The following PPARGC1A variants were observed in gnomAD, a reference collection of about 807,000 sequenced individuals.
PPARGC1A encodes the protein peroxisome proliferator-activated receptor gamma coactivator 1-alpha.
In PPARGC1A, 25 loss-of-function variants were observed where a neutral mutation model predicts 88.7. That is an observed-to-expected ratio of 0.28 (90% CI 0.21 to 0.39). The LOEUF is 0.39. PPARGC1A is among the 10% of genes least tolerant of loss of function. The probability of loss-of-function intolerance (pLI) is 1.00; values close to 1 mark genes in which losing one functional copy is unlikely to be tolerated. For missense variants in PPARGC1A, 880 were observed against 968.7 expected (o/e 0.91, Z 1.22); for synonymous variants, 363 against 355.6 (o/e 1.02, Z -0.24).
the PPARGC1A span, among the ~76,000 whole-genome samples, chr4:23,994,752 G>A: frequency 0.17 from 26,438 of 152,078 alleles, 2,794 homozygotes; most frequent in Admixed American, 0.31. Context: ...GGCAAGGGAG[G>A]AAATTGGTCA....
At chr4:24,239,149 T>C in the PPARGC1A span, among the ~76,000 whole-genome samples, 2 of 152,134 alleles carry the variant, frequency 1.3e-5, no homozygotes, top group African/African-American at 4.8e-5. Flanking sequence ...TTCAACTTAG[T>C]CTAATTTTTT....
At chr4:23,936,203 C>G in the PPARGC1A span, among the ~76,000 whole-genome samples, 1 of 152,170 alleles carries the variant, frequency 6.6e-6, no homozygotes, top group Non-Finnish European at 1.5e-5. Context: ...CTACTATGTA[C>G]TATTCTAAGT....
chr4:24,400,144 C>T, the PPARGC1A span, among the ~76,000 whole-genome samples: 1 of 152,138 alleles, frequency 6.6e-6, no homozygotes, highest in Non-Finnish European at 1.5e-5. Context: ...AGCTGAAATA[C>T]ACTTGTGATG....
the PPARGC1A span, among the ~76,000 whole-genome samples, chr4:23,955,146 C>T: frequency 2.0e-5 from 3 of 151,958 alleles, no homozygotes; most frequent in African/African-American, 7.2e-5. Flanking sequence ...TATTAAATAC[C>T]AACATGGTTA....
At chr4:24,257,459 A>T in the PPARGC1A span, among the ~76,000 whole-genome samples, 1 of 152,184 alleles carries the variant, frequency 6.6e-6, no homozygotes, top group Non-Finnish European at 1.5e-5. Context: ...GGTAGCACAA[A>T]CTATTCCAGG....
At chr4:23,931,000 G>A in the PPARGC1A span, among the ~76,000 whole-genome samples, 1 of 152,234 alleles carries the variant, frequency 6.6e-6, no homozygotes. Flanking sequence ...ATGCCGCCGC[G>A]TGGAGTGTCC....
chr4:24,306,116 G>T, the PPARGC1A span, among the ~76,000 whole-genome samples: 1 of 152,118 alleles, frequency 6.6e-6, no homozygotes, highest in Non-Finnish European at 1.5e-5. Context: ...GCAGATTCCG[G>T]ATGCACAATC....
chr4:24,437,596 TG>T, the PPARGC1A span, among the ~76,000 whole-genome samples: 45 of 39,492 alleles, frequency 1.1e-3, no homozygotes, highest in African/African-American at 3.6e-3. Context: ...ACAGGTTTTT[TG>T]TTGTTGTTGT....
chr4:24,393,272 G>C, the PPARGC1A span, among the ~76,000 whole-genome samples: 1 of 152,126 alleles, frequency 6.6e-6, no homozygotes, highest in Non-Finnish European at 1.5e-5. Context: ...AGGGGAAATT[G>C]CATGAAATAA....
chr4:24,167,944 T>G, the PPARGC1A span, among the ~76,000 whole-genome samples: 3 of 151,976 alleles, frequency 2.0e-5, no homozygotes, highest in Non-Finnish European at 4.4e-5. Flanking sequence ...TTGGTAGAGA[T>G]AGGGGTCTCA....
At chr4:24,341,605 G>A in the PPARGC1A span, among the ~76,000 whole-genome samples, 8 of 152,186 alleles carry the variant, frequency 5.3e-5, no homozygotes, top group African/African-American at 1.9e-4. Context: ...TTCGGTTTGG[G>A]ATAAGAGGTC....
chr4:24,437,630 GTTGT>G, the PPARGC1A span, among the ~76,000 whole-genome samples: 1 of 141,182 alleles, frequency 7.1e-6, no homozygotes, highest in East Asian at 2.0e-4. Context: ...TGTTGTTGTT[GTTGT>G]TGTTTTAGTT....
chr4:23,889,287 G>C (rs574759347), intron 1 of PPARGC1A: 1 of 985,350 alleles, frequency 1.0e-6, no homozygotes, highest in South Asian at 4.7e-5. Context: ...TGCACTGCCA[G>C]GCGTTTCTTT....
chr4:24,211,365 T>C, the PPARGC1A span, among the ~76,000 whole-genome samples: 1 of 152,164 alleles, frequency 6.6e-6, no homozygotes, highest in Non-Finnish European at 1.5e-5. Context: ...CTTACCTAAG[T>C]GAGGTAACTA....
the PPARGC1A span, among the ~76,000 whole-genome samples, chr4:24,080,030 T>A: frequency 6.6e-6 from 1 of 152,050 alleles, no homozygotes; most frequent in African/African-American, 2.4e-5. Flanking sequence ...TCTCTCATTA[T>A]ATTTATTATT....
At chr4:24,065,717 G>C in the PPARGC1A span, among the ~76,000 whole-genome samples, 1 of 152,096 alleles carries the variant, frequency 6.6e-6, no homozygotes, top group Non-Finnish European at 1.5e-5. Flanking sequence ...TCCTCATGAA[G>C]GCTCTGTGAA....
the PPARGC1A span, among the ~76,000 whole-genome samples, chr4:24,208,273 T>C: frequency 6.6e-6 from 1 of 151,512 alleles, no homozygotes; most frequent in African/African-American, 2.4e-5. Flanking sequence ...ACAGAGACCC[T>C]GTCTCAAAAA....
the PPARGC1A span, among the ~76,000 whole-genome samples, chr4:24,146,363 G>A: frequency 6.6e-6 from 1 of 152,220 alleles, no homozygotes; most frequent in Non-Finnish European, 1.5e-5. Context: ...ATGCACATTT[G>A]TGCAAATGTG....
At chr4:23,799,631 A>G (rs769277824) in intron 12 of PPARGC1A, among the ~76,000 whole-genome samples, 3 of 152,148 alleles carry the variant, frequency 2.0e-5, no homozygotes, top group Non-Finnish European at 4.4e-5. Context: ...CATCAAACAT[A>G]CTTTTCAGAA....
Sources: allele counts gnomAD v4.1 joint callset (sites outside exome capture counted in the v4.1 genomes callset), GRCh38; gene constraint gnomAD v4.1.1; transcripts MANE v1.5; gene names NCBI Gene and HGNC (gene_info 2026-07-23, HGNC 2026-07-21).